RNGTT: variants seen among roughly 807,000 people sequenced by gnomAD.
The protein encoded by RNGTT is RNA guanylyltransferase and 5'-phosphatase, also known as mRNA-capping enzyme.
In RNGTT, 33 loss-of-function variants were observed where a neutral mutation model predicts 79.3. The observed-to-expected ratio is 0.42, with a 90% CI of 0.32 to 0.56. The LOEUF is 0.56. Ranked by LOEUF, RNGTT falls within the 20% of genes least tolerant of loss-of-function variation. RNGTT has a pLI of 0.17. For missense variants in RNGTT, 497 were observed against 739.1 expected (o/e 0.67, Z 3.80); for synonymous variants, 222 against 235.9 (o/e 0.94, Z 0.54).
chr6:88,892,871 T>C (rs778848505), intron 6 of RNGTT, among the ~76,000 whole-genome samples: 1 of 152,110 alleles, frequency 6.6e-6, no homozygotes, highest in Non-Finnish European at 1.5e-5. Flanking sequence ...TCCACATACA[T>C]TCTTGTCAAA....
intron 13 of RNGTT, among the ~76,000 whole-genome samples, chr6:88,769,451 C>T (rs756066002): frequency 3.9e-5 from 6 of 151,964 alleles, no homozygotes; most frequent in Admixed American, 2.0e-4. Flanking sequence ...TGAGCCACCA[C>T]GCCCAGCCAA....
chr6:88,889,949 C>T (rs1782987857), intron 8 of RNGTT, among the ~76,000 whole-genome samples: 3 of 151,872 alleles, frequency 2.0e-5, no homozygotes, highest in Non-Finnish European at 1.5e-5. Flanking sequence ...AAGGCACTGC[C>T]GCCTGGGTGA....
intron 11 of RNGTT, among the ~76,000 whole-genome samples, chr6:88,815,563 C>T (rs1426230027): frequency 2.0e-5 from 3 of 152,116 alleles, no homozygotes; most frequent in Middle Eastern, 3.2e-3. Context: ...TTGGCCTAAA[C>T]GTATTCCAAT....
intron 14 of RNGTT, among the ~76,000 whole-genome samples, chr6:88,637,318 TA>T (rs1424442407): frequency 3.9e-5 from 6 of 152,096 alleles, no homozygotes; most frequent in African/African-American, 1.4e-4. Context: ...TTCTTTAGCA[TA>T]AAACTATTAA....
chr6:88,898,707 G>A (rs1783339351), intron 6 of RNGTT, among the ~76,000 whole-genome samples: 1 of 149,762 alleles, frequency 6.7e-6, no homozygotes, highest in Non-Finnish European at 1.5e-5. Flanking sequence ...TATCTCCCCA[G>A]TATATATTCT....
chr6:88,623,719 G>A (rs1772522315), intron 14 of RNGTT, among the ~76,000 whole-genome samples: 1 of 151,902 alleles, frequency 6.6e-6, no homozygotes, highest in African/African-American at 2.4e-5. Flanking sequence ...ATCCAATCAA[G>A]TCATTCTCTT....
At chr6:88,854,083 C>T (rs1781763636) in intron 8 of RNGTT, among the ~76,000 whole-genome samples, 1 of 151,602 alleles carries the variant, frequency 6.6e-6, no homozygotes, top group South Asian at 2.1e-4. Context: ...TGCCACCATG[C>T]CCAGCTAATT....
chr6:88,657,450 T>C (rs1452216615), intron 14 of RNGTT, among the ~76,000 whole-genome samples: 1 of 152,102 alleles, frequency 6.6e-6, no homozygotes, highest in Non-Finnish European at 1.5e-5. Flanking sequence ...GCCAGCAGAA[T>C]TGGGAAGGAG....
At chr6:88,858,682 G>A (rs1479587222) in intron 8 of RNGTT, among the ~76,000 whole-genome samples, 1 of 152,138 alleles carries the variant, frequency 6.6e-6, no homozygotes, top group Non-Finnish European at 1.5e-5. Flanking sequence ...ATGTCATAAC[G>A]CTGACACAAC....
chr6:88,931,608 G>A (rs1053863350), intron 2 of RNGTT, among the ~76,000 whole-genome samples: 1 of 152,070 alleles, frequency 6.6e-6, no homozygotes, highest in Non-Finnish European at 1.5e-5. Context: ...CTAACACATA[G>A]GGTAAAAAAG....
At chr6:88,680,756 A>AG (rs948209893) in intron 13 of RNGTT, among the ~76,000 whole-genome samples, 27 of 151,912 alleles carry the variant, frequency 1.8e-4, no homozygotes, top group Non-Finnish European at 2.9e-4. Flanking sequence ...AAAAAAAAAA[A>AG]AAGCCTACAA....
intron 13 of RNGTT, among the ~76,000 whole-genome samples, chr6:88,767,274 GGAA>G (rs1460396013): frequency 4.0e-5 from 6 of 151,808 alleles, no homozygotes; most frequent in Non-Finnish European, 8.8e-5. Context: ...CCATTTTTTA[GGAA>G]GAAGACATTA....
intron 13 of RNGTT, among the ~76,000 whole-genome samples, chr6:88,759,727 C>T (rs550227298): frequency 9.2e-5 from 14 of 152,174 alleles, no homozygotes; most frequent in Admixed American, 7.9e-4. Flanking sequence ...AGTAGTTTGG[C>T]GTTTCACAAC....
chr6:88,612,432 C>A lies in RNGTT; in HGVS notation c.*287G>T, dbSNP rs1047343415. On this transcript the variant is annotated 3_prime_UTR_variant, in exon 16 of 16. Coordinates refer to ENST00000369485, the MANE Select transcript of RNGTT (RefSeq NM_003800.5). ...AACAAGGCCTCTTTTTCATTGATTT[C>A]CATCTTGTTTAAACCTTTGGATATT... 18 of 234,278 alleles carry A rather than the reference C, an allele frequency of 7.7e-5. No homozygotes were observed. Among genetic ancestry groups the A allele is most frequent in the African/African-American group, 4.1e-4 (18 of 43,984 alleles). 14.5% of individuals were successfully genotyped at this position (234,278 alleles called of 1,614,324 possible).
chr6:88,916,408 G>A (rs1784000709), intron 4 of RNGTT, among the ~76,000 whole-genome samples: 5 of 152,216 alleles, frequency 3.3e-5, no homozygotes, highest in Admixed American at 3.3e-4. Flanking sequence ...AGGAGGTGGA[G>A]GGGGCTGTGA....
At chr6:88,844,647 C>T in intron 10 of RNGTT, 126 bp from the exon 11 acceptor site, 2 of 807,876 alleles carry the variant, frequency 2.5e-6, no homozygotes, top group Non-Finnish European at 3.9e-6. Flanking sequence ...ATTCAGTGCA[C>T]AGCGTGCACA....
intron 13 of RNGTT, among the ~76,000 whole-genome samples, chr6:88,707,428 T>C (rs938726118): frequency 2.0e-5 from 3 of 151,964 alleles, no homozygotes; most frequent in Non-Finnish European, 4.4e-5. Context: ...GGAGGGAGTA[T>C]ACAGGTCTTG....
chr6:88,707,901 G>C (rs897344073), intron 13 of RNGTT, among the ~76,000 whole-genome samples: 8 of 151,726 alleles, frequency 5.3e-5, no homozygotes, highest in African/African-American at 1.9e-4. Flanking sequence ...TACATTTTGT[G>C]CTGGAACAAC....
chr6:88,769,256 G>T (rs182448521), intron 13 of RNGTT, among the ~76,000 whole-genome samples: 1 of 152,004 alleles, frequency 6.6e-6, no homozygotes, highest in Admixed American at 6.6e-5. Context: ...TGCCTCCCAG[G>T]CTCAAACAAT....
Sources: gnomAD v4.1 joint callset for allele counts (sites outside exome capture counted in the v4.1 genomes callset) on GRCh38, gnomAD v4.1.1 for gene constraint, MANE v1.5 for transcripts, NCBI Gene and HGNC (gene_info 2026-07-23, HGNC 2026-07-21) for gene names.